Variants in TLN2 observed in about 807,000 individuals in gnomAD.
The protein encoded by TLN2 is talin 2.
Under a neutral mutation model 294.7 loss-of-function variants are expected in TLN2, and 118 were observed. The observed-to-expected ratio is 0.40, with a 90% CI of 0.34 to 0.47. The LOEUF (loss-of-function observed/expected upper bound fraction) is 0.47, where lower values mean the gene tolerates loss of function less well. Among genes scored for constraint, TLN2 ranks in the 20% least tolerant of loss-of-function variants. The pLI, the probability that TLN2 is intolerant of heterozygous loss-of-function variation, is 0.84. For missense variants in TLN2, 3,083 were observed against 3,282.2 expected, an observed-to-expected ratio of 0.94 and a Z score of 1.48; for synonymous variants, 1,431 against 1,304.5, an observed-to-expected ratio of 1.10 and a Z score of -2.09.
chr15:62,540,378 T>C (rs567190508), intron 1 of TLN2, among the ~76,000 whole-genome samples: 1 of 143,276 alleles, frequency 7.0e-6, no homozygotes, highest in Non-Finnish European at 1.5e-5. Context: ...TTTTTTTACA[T>C]GAGTAAGCGT....
At chr15:62,810,173 G>A in intron 52 of TLN2, 141 bp downstream of exon 52, 1 of 732,638 alleles carries the variant, frequency 1.4e-6, no homozygotes, top group East Asian at 2.7e-5. Context: ...GGATTGAACT[G>A]GAATCTCCCC....
In TLN2 at chr15:62,720,353, A is replaced by C. The variant is rs1252914819; in HGVS notation, c.2991+473A>C. 2.0e-5 allele frequency among the ~76,000 whole-genome samples: 3 copies of C among 152,340 alleles called. No individual in the cohort carries two copies. The East Asian group carries it at 5.8e-4, about 29-fold the overall frequency. On this transcript the variant is annotated intron_variant, in intron 25 of 58. Transcript: ENST00000636159. ...TCTCTGTGGGGTGAAGGGTAGATTC[A>C]TTTTAAGGAAAATAAACGAAAATAT...
intron 1 of TLN2, among the ~76,000 whole-genome samples, chr15:62,504,402 GC>G (rs1195886808): frequency 1.6e-4 from 24 of 152,320 alleles, no homozygotes; most frequent in South Asian, 4.1e-4. Context: ...TAGTTGGAGG[GC>G]TTACACTACC....
chr15:62,800,909 G>A lies in TLN2; in HGVS notation c.6477+140G>A, dbSNP rs147476435. The A allele has an allele frequency of 2.4e-3, 1,591 of 666,422 alleles. 5 individuals carry two copies. Among genetic ancestry groups the A allele is most frequent in the Non-Finnish European group, 3.2e-3 (1,277 of 395,532 alleles). The allele number at this position is 666,422 out of a possible 1,614,324, so 41.3% of individuals were successfully genotyped here. On this transcript the variant is annotated intron_variant, in intron 50 of 58. Transcript: ENST00000636159. ...ATGCCCCTTCACCTGCCTGCTGGTA[G>A]CTTTATATAATTGAGACCCCATGTG...
Position 62,642,460 on chromosome 15 carries a change from G to A in TLN2, c.-36-4815G>A, listed in dbSNP as rs140487287. On this transcript the variant is annotated intron_variant, in intron 3 of 58. Transcript: ENST00000636159. ...CCCGGAGAGGGGTTCGGGTGCAGAA[G>A]AGTAGACGCCAGGACCAGTTGCAGG... Among the ~76,000 whole-genome samples the A allele has an allele frequency of 1.1e-4, 17 of 152,338 alleles. 1 individual carries two copies. In the East Asian group the frequency reaches 2.9e-3, roughly 26 times the overall value.
intron 1 of TLN2, among the ~76,000 whole-genome samples, chr15:62,446,216 T>G (rs1181883394): frequency 1.3e-5 from 2 of 151,602 alleles, no homozygotes; most frequent in Non-Finnish European, 2.9e-5. Flanking sequence ...GCCAGGATGG[T>G]CTGGATCTCC....
chr15:62,588,169 C>G (rs187996643), intron 1 of TLN2, among the ~76,000 whole-genome samples: 1 of 152,066 alleles, frequency 6.6e-6, no homozygotes, highest in Non-Finnish European at 1.5e-5. Flanking sequence ...CGTGAGCCAC[C>G]GCACCCGGCC....
chr15:62,457,797 C>CA (rs2036565961), intron 1 of TLN2, among the ~76,000 whole-genome samples: 1 of 152,182 alleles, frequency 6.6e-6, no homozygotes, highest in South Asian at 2.1e-4. Context: ...CTGGATGGAG[C>CA]ATGAAGTCCC....
chr15:62,810,331 G>T (rs560071013), intron 52 of TLN2, among the ~76,000 whole-genome samples: 1 of 152,256 alleles, frequency 6.6e-6, no homozygotes, highest in African/African-American at 2.4e-5. Context: ...CAAAGTGGGC[G>T]GGCGGCCAGT....
Position 62,608,588 on chromosome 15 carries a change from T to C in TLN2, c.-161-9763T>C, listed in dbSNP as rs575575983. Among the ~76,000 whole-genome samples, 14 of 152,082 alleles carry C rather than the reference T, an allele frequency of 9.2e-5. No individual in the cohort carries two copies. The East Asian group carries it at 2.7e-3, about 29-fold the overall frequency. On this transcript the variant is annotated intron_variant, in intron 2 of 58. Coordinates refer to ENST00000636159, the MANE Select transcript of TLN2 (RefSeq NM_015059.3). Reference sequence around the variant, plus strand: ...CAAGGATGACTCTCCGTTTCTGGTGTTGGGAGGTGGGTGGATTGTGAAGTT... The same window carrying C: ...CAAGGATGACTCTCCGTTTCTGGTGCTGGGAGGTGGGTGGATTGTGAAGTT...
chr15:62,592,417 A>G (rs1004907829), intron 2 of TLN2, among the ~76,000 whole-genome samples: 1 of 152,182 alleles, frequency 6.6e-6, no homozygotes, highest in African/African-American at 2.4e-5. Context: ...CCTAATTGGT[A>G]TGCTTCACAT....
intron 29 of TLN2, among the ~76,000 whole-genome samples, chr15:62,737,718 T>G (rs1195129627): frequency 2.0e-5 from 3 of 152,210 alleles, no homozygotes; most frequent in Non-Finnish European, 4.4e-5. Context: ...CCACTTGCCC[T>G]TGGGCAGAGT....
chr15:62,481,847 A>G (rs1352173693), intron 1 of TLN2, among the ~76,000 whole-genome samples: 1 of 130,982 alleles, frequency 7.6e-6, no homozygotes, highest in Non-Finnish European at 1.5e-5. Flanking sequence ...GCCAGGCTGG[A>G]GTGCAATGGC....
At chr15:62,640,553 C>T (rs2050938255) in intron 3 of TLN2, among the ~76,000 whole-genome samples, 1 of 152,128 alleles carries the variant, frequency 6.6e-6, no homozygotes, top group Non-Finnish European at 1.5e-5. Flanking sequence ...TGAACAAGCC[C>T]CAGGGTGGAA....
At chr15:62,472,233 ACCACCTATCTGATAGATCTCTTTCTTCCC>A (rs1414413251) in intron 1 of TLN2, among the ~76,000 whole-genome samples, 21 of 151,914 alleles carry the variant, frequency 1.4e-4, no homozygotes, top group African/African-American at 4.6e-4. Context: ...CCCTCCCCAC[ACCACCTATCTGATAGATCTCTTTCTTCCC>A]CCAAACCCAG....
chr15:62,465,284 CT>C lies in TLN2; in HGVS notation c.-238+74600del, dbSNP rs1406163699. The stretch of plus-strand genomic sequence containing the variant: ...TTACTTTCCCGTTGGCCTAGCCCCC[CT>C]ATCCCAGCTTGCCACCTGGAGAATC... On this transcript the variant is annotated intron_variant, in intron 1 of 58. Transcript: ENST00000636159. 1.8e-4 allele frequency among the ~76,000 whole-genome samples: 27 copies of C among 152,198 alleles called. No homozygotes were observed. In the East Asian group the frequency reaches 2.1e-3, roughly 12 times the overall value.
chr15:62,780,618 T>C (rs377709240), intron 43 of TLN2, among the ~76,000 whole-genome samples: 29 of 152,196 alleles, frequency 1.9e-4, no homozygotes, highest in African/African-American at 7.0e-4. Flanking sequence ...TGAGCAACAA[T>C]TTATTCCTAG....
chr15:62,487,245 C>T (rs974785138), intron 1 of TLN2, among the ~76,000 whole-genome samples: 1 of 152,106 alleles, frequency 6.6e-6, no homozygotes, highest in South Asian at 2.1e-4. Flanking sequence ...GGTCAACTTG[C>T]GTGATGTGTA....
chr15:62,584,918 C>G (rs1225709488), intron 1 of TLN2, among the ~76,000 whole-genome samples: 1 of 152,160 alleles, frequency 6.6e-6, no homozygotes, highest in African/African-American at 2.4e-5. Flanking sequence ...TCTGCTTTAC[C>G]TGGTCTTAGG....
Sources: gnomAD v4.1 joint callset for allele counts (sites outside exome capture counted in the v4.1 genomes callset) on GRCh38, gnomAD v4.1.1 for gene constraint, MANE v1.5 for transcripts, NCBI Gene and HGNC (gene_info 2026-07-23, HGNC 2026-07-21) for gene names.